THSD7B: variants seen among roughly 807,000 people sequenced by gnomAD.
THSD7B encodes thrombospondin type-1 domain-containing protein 7B.
THSD7B carries 138 observed loss-of-function variants against 213.6 expected under a neutral mutation model. That is an observed-to-expected ratio of 0.65 (90% CI 0.56 to 0.74). The LOEUF is 0.74. THSD7B is among the 30% of genes least tolerant of loss of function. The pLI is 0.00. For missense variants in THSD7B, 1,931 were observed against 1,991.5 expected, an observed-to-expected ratio of 0.97 and a Z score of 0.58; for synonymous variants, 742 against 687.0, an observed-to-expected ratio of 1.08 and a Z score of -1.25.
intron 5 of THSD7B, among the ~76,000 whole-genome samples, chr2:137,118,642 A>G (rs942444342): frequency 7.2e-5 from 11 of 152,086 alleles, no homozygotes; most frequent in African/African-American, 2.7e-4. Flanking sequence ...TGTTAAATGC[A>G]TTAGTTGCCC....
intron 2 of THSD7B, among the ~76,000 whole-genome samples, chr2:136,903,715 G>A (rs1684100247): frequency 6.6e-6 from 1 of 152,058 alleles, no homozygotes; most frequent in African/African-American, 2.4e-5. Flanking sequence ...ATTATCACAG[G>A]GCCAGAGAGC....
intron 17 of THSD7B, among the ~76,000 whole-genome samples, chr2:137,598,557 C>T (rs1289879938): frequency 1.3e-5 from 2 of 152,172 alleles, no homozygotes; most frequent in African/African-American, 4.8e-5. Flanking sequence ...GTTATAACTG[C>T]TCAAAACTCA....
At chr2:136,859,880 A>T (rs961039638) in intron 1 of THSD7B, among the ~76,000 whole-genome samples, 3 of 152,212 alleles carry the variant, frequency 2.0e-5, no homozygotes, top group Non-Finnish European at 2.9e-5. Context: ...AGGACTGACC[A>T]TCCCTTTTCC....
At chr2:137,082,650 T>G (rs1687766679) in intron 3 of THSD7B, among the ~76,000 whole-genome samples, 1 of 152,094 alleles carries the variant, frequency 6.6e-6, no homozygotes, top group South Asian at 2.1e-4. Flanking sequence ...TGGGTTTCCA[T>G]TTTCATCTCT....
chr2:137,496,796 T>C (rs75272026), intron 15 of THSD7B, among the ~76,000 whole-genome samples: 12,184 of 152,232 alleles, frequency 0.08, 583 homozygotes, highest in African/African-American at 0.11. Context: ...TGACTTCTCA[T>C]TAACTTTTTT....
intron 7 of THSD7B, among the ~76,000 whole-genome samples, chr2:137,202,889 G>T (rs60406990): frequency 0.29 from 43,368 of 152,024 alleles, 6,960 homozygotes; most frequent in East Asian, 0.48. Context: ...TAACAAACAG[G>T]TGATAGTTGG....
chr2:137,468,823 G>T (rs770677160), intron 15 of THSD7B, among the ~76,000 whole-genome samples: 1 of 152,052 alleles, frequency 6.6e-6, no homozygotes, highest in Non-Finnish European at 1.5e-5. Flanking sequence ...CTCTACATCA[G>T]TCAGAGCTAG....
rs184040880 is a variant in THSD7B at position 137,676,549 on chromosome 2, A to C, written c.4765A>C (p.Thr1589Pro). The change falls in exon 28 of 28, where the codon ACA becomes CCA. Residue 1589 changes from threonine (T) to proline (P), a missense_variant. By Grantham distance (38) the Thr-to-Pro change is conservative (BLOSUM62 -1). Coordinates refer to ENST00000409968, the MANE Select transcript of THSD7B (RefSeq NM_001316349.2). ...VCKKPKPHQSTPPQQKPLTLA... is the reference protein window; with the variant it reads ...VCKKPKPHQSPPPQQKPLTLA... Reference sequence around the variant, plus strand: ...CAAGAAGCCAAAACCACATCAAAGCACACCTCCCCAACAGAAGCCTCTGAC... The same window carrying C: ...CAAGAAGCCAAAACCACATCAAAGCCCACCTCCCCAACAGAAGCCTCTGAC... 8.1e-6 allele frequency: 13 copies of C among 1,598,004 alleles called. No individual in the cohort carries two copies. The East Asian group carries it at 2.9e-4, about 36-fold the overall frequency.
In THSD7B at chr2:137,199,495, A is replaced by G. The variant is rs140546561; in HGVS notation, c.1723+28557A>G. The stretch of plus-strand genomic sequence containing the variant: ...TATAAAGATTCACTTAGTTATTTAC[A>G]CTTGTCATGTTTTGAAATACAGATA... On this transcript the variant is annotated intron_variant, in intron 7 of 27. Transcript: ENST00000409968. 1.2e-3 allele frequency among the ~76,000 whole-genome samples: 182 copies of G among 152,292 alleles called. 1 individual carries two copies. The highest frequency in any genetic ancestry group is 4.1e-3 in the African/African-American group (170 of 41,586).
At chr2:136,999,901 A>T (rs891487660) in intron 2 of THSD7B, among the ~76,000 whole-genome samples, 11 of 152,192 alleles carry the variant, frequency 7.2e-5, no homozygotes, top group Admixed American at 2.6e-4. Flanking sequence ...TTGGAAATGG[A>T]TGGAGAGCAG....
intron 7 of THSD7B, among the ~76,000 whole-genome samples, chr2:137,213,157 C>T (rs1198461349): frequency 6.6e-6 from 1 of 151,260 alleles, no homozygotes; most frequent in Non-Finnish European, 1.5e-5. Context: ...TGGGAGCACA[C>T]AACCATGTAC....
chr2:137,555,388 C>T (rs956747008), intron 15 of THSD7B, among the ~76,000 whole-genome samples: 2 of 152,196 alleles, frequency 1.3e-5, no homozygotes, highest in Admixed American at 6.5e-5. Flanking sequence ...TGTTCAGCAA[C>T]ATTCGCTGTT....
chr2:136,902,368 CAT>C (rs1684077841), intron 2 of THSD7B, among the ~76,000 whole-genome samples: 1 of 152,156 alleles, frequency 6.6e-6, no homozygotes, highest in South Asian at 2.1e-4. Flanking sequence ...CGTTATGAAA[CAT>C]ATATTTAAGC....
At chr2:137,461,586 C>T (rs1309707796) in intron 15 of THSD7B, among the ~76,000 whole-genome samples, 2 of 152,054 alleles carry the variant, frequency 1.3e-5, no homozygotes, top group African/African-American at 2.4e-5. Context: ...TATCTCCTTC[C>T]CTCCTCCCCT....
intron 13 of THSD7B, among the ~76,000 whole-genome samples, chr2:137,410,894 T>C (rs1686638185): frequency 6.6e-6 from 1 of 152,204 alleles, no homozygotes; most frequent in African/African-American, 2.4e-5. Flanking sequence ...TACAGGCTGA[T>C]TTAGAATCCA....
At chr2:137,146,805 T>C (rs570304640) in intron 5 of THSD7B, among the ~76,000 whole-genome samples, 1 of 152,218 alleles carries the variant, frequency 6.6e-6, no homozygotes, top group South Asian at 2.1e-4. Context: ...TTTACAAAAA[T>C]TACTGAGGGA....
intron 3 of THSD7B, among the ~76,000 whole-genome samples, chr2:137,076,703 G>A (rs1428111838): frequency 6.6e-6 from 1 of 152,170 alleles, no homozygotes; most frequent in Admixed American, 6.5e-5. Flanking sequence ...CTGTAGACCG[G>A]AGCTGTTCCT....
At chr2:137,384,889 C>A (rs1021881501) in intron 12 of THSD7B, among the ~76,000 whole-genome samples, 4 of 152,096 alleles carry the variant, frequency 2.6e-5, no homozygotes, top group Admixed American at 2.6e-4. Context: ...ATGGCCCCTA[C>A]AAACTGGTTC....
At chr2:137,145,538 G>A (rs1386477757) in intron 5 of THSD7B, among the ~76,000 whole-genome samples, 2 of 152,012 alleles carry the variant, frequency 1.3e-5, no homozygotes, top group African/African-American at 4.8e-5. Context: ...TTATTGTAAA[G>A]ATCTTGAGCT....
Sources: gnomAD v4.1 joint callset for allele counts (sites outside exome capture counted in the v4.1 genomes callset) on GRCh38, gnomAD v4.1.1 for gene constraint, MANE v1.5 for transcripts, NCBI Gene and HGNC (gene_info 2026-07-23, HGNC 2026-07-21) for gene names.